The following FREM2 variants were observed in gnomAD, a reference collection of about 807,000 sequenced individuals.
FREM2 encodes FRAS1 related extracellular matrix 2.
FREM2 carries 119 observed loss-of-function variants against 219.9 expected under a neutral mutation model. That is an observed-to-expected ratio of 0.54 (90% CI 0.47 to 0.63). The LOEUF (loss-of-function observed/expected upper bound fraction) is 0.63, where lower values mean the gene tolerates loss of function less well. Ranked by LOEUF, FREM2 falls within the 30% of genes least tolerant of loss-of-function variation. The pLI is 0.00. For synonymous variants in FREM2, 1,562 were observed against 1,522.8 expected (o/e 1.03, Z -0.60); for missense variants, 4,030 against 3,993.6 (o/e 1.01, Z -0.25).
intron 2 of FREM2, among the ~76,000 whole-genome samples, chr13:38,711,886 C>G (rs1342272008): frequency 7.2e-6 from 1 of 139,066 alleles, no homozygotes; most frequent in Non-Finnish European, 1.5e-5. Context: ...AGTGGCTTAT[C>G]TTGTGGGTCT....
rs1019727380 is a variant in FREM2, at chr13:38,887,070, C to T, written c.*6283C>T. The stretch of plus-strand genomic sequence containing the variant: ...TGCTGCCGCTTGTGTTTCATAACTA[C>T]GCTTGCTTTCCTTCAAAATATACCA... On this transcript the variant is annotated 3_prime_UTR_variant, in exon 24 of 24. Transcript: ENST00000280481. The T allele has an allele frequency of 2.0e-5, 3 of 152,198 alleles. No individual in the cohort carries two copies. The highest frequency in any genetic ancestry group is 2.1e-4 in the South Asian group (1 of 4,826). The allele number at this position is 152,198 out of a possible 1,614,324, so 9.4% of individuals were successfully genotyped here.
chr13:38,869,367 G>A (rs373437969), intron 16 of FREM2, among the ~76,000 whole-genome samples: 94 of 152,260 alleles, frequency 6.2e-4, no homozygotes, highest in African/African-American at 2.3e-3. Context: ...ACTACATCTA[G>A]CTTCAGCTAT....
chr13:38,785,238 A>G (rs1421608967), intron 6 of FREM2, among the ~76,000 whole-genome samples: 1 of 152,212 alleles, frequency 6.6e-6, no homozygotes, highest in Admixed American at 6.5e-5. Flanking sequence ...TAAATGAATA[A>G]CTAGTAAACA....
intron 2 of FREM2, among the ~76,000 whole-genome samples, chr13:38,746,382 C>T (rs964458888): frequency 2.0e-5 from 3 of 152,080 alleles, no homozygotes; most frequent in Non-Finnish European, 2.9e-5. Flanking sequence ...CAGTAAGGTT[C>T]GCTCAAGATT....
intron 6 of FREM2, among the ~76,000 whole-genome samples, chr13:38,795,955 C>T (rs1405664070): frequency 6.6e-6 from 1 of 152,118 alleles, no homozygotes; most frequent in African/African-American, 2.4e-5. Context: ...ATAGTATTCC[C>T]TTGTGTGTAT....
At chr13:38,877,075 A>G in intron 20 of FREM2, 42 bp from the exon 21 acceptor site, 1 of 1,612,160 alleles carries the variant, frequency 6.2e-7, no homozygotes, top group South Asian at 1.1e-5. Context: ...GTGCACCATC[A>G]GAACCACTGA....
intron 14 of FREM2, 51 bp from the exon 15 acceptor site, chr13:38,861,380 T>C: frequency 1.9e-6 from 3 of 1,577,134 alleles, no homozygotes; most frequent in Middle Eastern, 3.3e-4. Context: ...ATTCTTTAGG[T>C]ATTATTGATT....
chr13:38,859,037 A>G (rs1174918317), intron 13 of FREM2, among the ~76,000 whole-genome samples: 1 of 152,216 alleles, frequency 6.6e-6, no homozygotes, highest in Non-Finnish European at 1.5e-5. Flanking sequence ...CTGATGATTC[A>G]AGAGATTATG....
At chr13:38,879,345 C>T (rs1878462412) in intron 23 of FREM2, among the ~76,000 whole-genome samples, 1 of 152,184 alleles carries the variant, frequency 6.6e-6, no homozygotes, top group Non-Finnish European at 1.5e-5. Flanking sequence ...AAACTTCCTT[C>T]CTGCTGACTT....
At position 38,784,670 on chromosome 13, in the gene FREM2, T is replaced by C. The variant is rs1388554958; in HGVS notation, c.5881T>C (p.Cys1961Arg). 5 of 1,614,162 alleles carry C rather than the reference T, an allele frequency of 3.1e-6. No individual in the cohort carries two copies. Among genetic ancestry groups the C allele is most frequent in the Non-Finnish European group, 4.2e-6 (5 of 1,180,020 alleles). The change falls in exon 6 of 24, where the codon TGT (cysteine) becomes CGT (arginine). Residue 1961 changes from cysteine to arginine, a missense_variant. Physicochemically the swap from Cys to Arg is radical, Grantham distance 180. This residue lies in a region of FREM2 where 3,102 missense variants were observed against 2,950.7 expected (regional missense o/e 1.05). Coordinates refer to ENST00000280481, the MANE Select transcript of FREM2 (RefSeq NM_207361.6). ...TGACAAAGATGAACGGGAGAAACTG[T>C]GTCGGATAGTCATAATTGATGACTC... ...RFDKDEREKLCRIVIIDDSLY... is the reference protein window; with the variant it reads ...RFDKDEREKLRRIVIIDDSLY...
chr13:38,772,460 C>G (rs1460233643), intron 4 of FREM2, among the ~76,000 whole-genome samples: 1 of 152,144 alleles, frequency 6.6e-6, no homozygotes, highest in African/African-American at 2.4e-5. Context: ...ATATGTAAGT[C>G]TATGCTTTTC....
chr13:38,720,883 C>T (rs1001213491), intron 2 of FREM2, among the ~76,000 whole-genome samples: 2 of 152,122 alleles, frequency 1.3e-5, no homozygotes, highest in African/African-American at 4.8e-5. Flanking sequence ...TTCTAAGATA[C>T]ATTTTTACTC....
chr13:38,839,169 T>C (rs1222967520), intron 6 of FREM2, among the ~76,000 whole-genome samples: 1 of 152,224 alleles, frequency 6.6e-6, no homozygotes, highest in Non-Finnish European at 1.5e-5. Context: ...GTGTTGATGT[T>C]GATGCTATTC....
chr13:38,692,641 A>T, intron 1 of FREM2, 124 bp downstream of exon 1: 1 of 1,141,178 alleles, frequency 8.8e-7, no homozygotes, highest in Non-Finnish European at 1.3e-6. Context: ...GGGGATGGGG[A>T]GAATATAGGG....
Position 38,769,571 on chromosome 13 carries a change from T to G in FREM2, c.5411-7T>G. On this transcript the variant is annotated splice_region_variant and splice_polypyrimidine_tract_variant and intron_variant, in intron 3 of 23. Transcript: ENST00000280481. ...AACTAAGAAAATGATATTATGTTTT[T>G]GTGAAGGTATTGGCACAAGAGACAG... 6.2e-7 allele frequency: 1 copy of G among 1,604,156 alleles called. No individual in the cohort carries two copies. Among genetic ancestry groups the G allele is most frequent in the South Asian group, 1.1e-5 (1 of 90,822 alleles).
At chr13:38,852,469 A>G (rs1453314716) in intron 11 of FREM2, among the ~76,000 whole-genome samples, 1 of 152,160 alleles carries the variant, frequency 6.6e-6, no homozygotes, top group South Asian at 2.1e-4. Context: ...TTAAATAATA[A>G]TTTCCTATAT....
At chr13:38,732,018 A>C (rs567106814) in intron 2 of FREM2, among the ~76,000 whole-genome samples, 1 of 152,220 alleles carries the variant, frequency 6.6e-6, no homozygotes, top group Non-Finnish European at 1.5e-5. Context: ...ATGAATATCC[A>C]TACCACCAGT....
At chr13:38,763,643 C>T (rs560472017) in intron 2 of FREM2, among the ~76,000 whole-genome samples, 1 of 152,040 alleles carries the variant, frequency 6.6e-6, no homozygotes, top group African/African-American at 2.4e-5. Flanking sequence ...GTCGCTTTCA[C>T]ATTAGAGAGA....
At chr13:38,700,488 C>G (rs967275292) in intron 2 of FREM2, among the ~76,000 whole-genome samples, 1 of 152,088 alleles carries the variant, frequency 6.6e-6, no homozygotes, top group East Asian at 1.9e-4. Flanking sequence ...CACATGTCCA[C>G]ACACATACAC....
Sources: gnomAD v4.1 joint callset for allele counts (sites outside exome capture counted in the v4.1 genomes callset) on GRCh38, gnomAD v4.1.1 for gene constraint, gnomAD v4.1.1 regional missense constraint, MANE v1.5 for transcripts, NCBI Gene and HGNC (gene_info 2026-07-23, HGNC 2026-07-21) for gene names.